Variants in PTPRM observed in about 807,000 individuals in gnomAD.
PTPRM encodes the protein receptor-type tyrosine-protein phosphatase mu.
A neutral mutation model predicts 186.7 loss-of-function variants in PTPRM; 47 were observed. The observed-to-expected ratio is 0.25, with a 90% CI of 0.20 to 0.32. PTPRM has a LOEUF of 0.32. Among genes scored for constraint, PTPRM ranks in the 10% least tolerant of loss-of-function variants. The pLI is 1.00. For synonymous variants in PTPRM, 668 were observed against 674.9 expected (o/e 0.99, Z 0.16); for missense variants, 1,494 against 1,865.0 (o/e 0.80, Z 3.66).
intron 1 of PTPRM, among the ~76,000 whole-genome samples, chr18:7,600,747 C>T (rs2037380409): frequency 6.6e-6 from 1 of 152,198 alleles, no homozygotes; most frequent in African/African-American, 2.4e-5. Flanking sequence ...ATTGTGTGCT[C>T]TTGCTGCCTG....
intron 21 of PTPRM, 141 bp downstream of exon 21, chr18:8,314,998 A>G: frequency 1.8e-6 from 1 of 540,976 alleles, no homozygotes; most frequent in Non-Finnish European, 3.2e-6. Flanking sequence ...TCTGACATGT[A>G]CCAGATTGTG....
At chr18:8,372,276 T>A (rs931300294) in intron 24 of PTPRM, among the ~76,000 whole-genome samples, 1 of 143,486 alleles carries the variant, frequency 7.0e-6, no homozygotes, top group Non-Finnish European at 1.5e-5. Flanking sequence ...GGGTTTCACC[T>A]TGTTAGCCAG....
At chr18:8,138,216 T>C (rs35539661) in intron 13 of PTPRM, among the ~76,000 whole-genome samples, 109,772 of 149,846 alleles carry the variant, frequency 0.73, 40,719 homozygotes, top group East Asian at 0.89. Flanking sequence ...TTTTTTTTTT[T>C]CCCTCCTCTT....
At chr18:7,646,392 T>C (rs940879842) in intron 1 of PTPRM, among the ~76,000 whole-genome samples, 10 of 152,190 alleles carry the variant, frequency 6.6e-5, no homozygotes, top group African/African-American at 4.8e-5. Flanking sequence ...TAGATCACCA[T>C]TGATGACAAG....
chr18:7,887,957 T>C (rs2048869597), intron 2 of PTPRM, 149 bp from the exon 3 acceptor site: 1 of 876,658 alleles, frequency 1.1e-6, no homozygotes, highest in Non-Finnish European at 1.9e-6. Context: ...GAGGTGGTGA[T>C]ATATGAAATA....
At chr18:7,951,625 C>T (rs1306296786) in intron 6 of PTPRM, among the ~76,000 whole-genome samples, 2 of 152,122 alleles carry the variant, frequency 1.3e-5, no homozygotes, top group Non-Finnish European at 2.9e-5. Context: ...GACTTATTTC[C>T]ATTTCCGCAC....
chr18:8,034,828 GTCC>G (rs768482283), intron 7 of PTPRM, among the ~76,000 whole-genome samples: 6 of 152,118 alleles, frequency 3.9e-5, no homozygotes, highest in Admixed American at 1.3e-4. Flanking sequence ...TCCTGTCTCT[GTCC>G]TCATTCTGTC....
chr18:8,003,172 A>G (rs2083971537), intron 7 of PTPRM, among the ~76,000 whole-genome samples: 1 of 152,140 alleles, frequency 6.6e-6, no homozygotes, highest in Non-Finnish European at 1.5e-5. Flanking sequence ...AGGTGGAGAT[A>G]ATTGAATCGT....
At chr18:8,151,716 C>T (rs1298805059) in intron 14 of PTPRM, among the ~76,000 whole-genome samples, 2 of 150,800 alleles carry the variant, frequency 1.3e-5, no homozygotes, top group African/African-American at 4.9e-5. Flanking sequence ...AAAAAAACTC[C>T]TGGAGCTAGT....
At chr18:8,168,375 G>A (rs1318095829) in intron 14 of PTPRM, among the ~76,000 whole-genome samples, 1 of 152,152 alleles carries the variant, frequency 6.6e-6, no homozygotes, top group Admixed American at 6.5e-5. Flanking sequence ...AACATCGTTT[G>A]TAATTGTTAC....
intron 19 of PTPRM, among the ~76,000 whole-genome samples, chr18:8,277,118 G>A (rs145351045): frequency 0.035 from 5,353 of 152,146 alleles, 106 homozygotes; most frequent in South Asian, 0.056. Context: ...TCTATTTTTA[G>A]TAGAGATGGG....
intron 14 of PTPRM, among the ~76,000 whole-genome samples, chr18:8,225,964 G>C (rs1477173122): frequency 6.6e-6 from 1 of 152,000 alleles, no homozygotes; most frequent in Non-Finnish European, 1.5e-5. Flanking sequence ...AATAGAAAAA[G>C]GGATATAATA....
At chr18:8,099,450 T>C (rs1405490281) in intron 11 of PTPRM, among the ~76,000 whole-genome samples, 3 of 152,178 alleles carry the variant, frequency 2.0e-5, no homozygotes, top group African/African-American at 7.2e-5. Context: ...TTTTTATTAT[T>C]TGTTTCTCAT....
chr18:7,572,688 A>G (rs2143358873), intron 1 of PTPRM, among the ~76,000 whole-genome samples: 1 of 152,310 alleles, frequency 6.6e-6, no homozygotes, highest in East Asian at 1.9e-4. Flanking sequence ...TATGTCCACC[A>G]TGCATTTTAC....
chr18:7,576,446 C>T (rs1170497107), intron 1 of PTPRM, among the ~76,000 whole-genome samples: 1 of 152,090 alleles, frequency 6.6e-6, no homozygotes, highest in Admixed American at 6.6e-5. Flanking sequence ...AGGAATTGGA[C>T]CACACCCTTT....
intron 1 of PTPRM, among the ~76,000 whole-genome samples, chr18:7,768,488 G>A (rs940581056): frequency 9.2e-5 from 14 of 152,136 alleles, no homozygotes; most frequent in Non-Finnish European, 1.9e-4. Flanking sequence ...ATGAGATCTT[G>A]TCTTGAAAAA....
intron 7 of PTPRM, among the ~76,000 whole-genome samples, chr18:7,997,167 A>G (rs2083588064): frequency 6.6e-6 from 1 of 152,208 alleles, no homozygotes; most frequent in Non-Finnish European, 1.5e-5. Context: ...TAAGCAAAAC[A>G]GCATGGTGCT....
intron 22 of PTPRM, among the ~76,000 whole-genome samples, chr18:8,325,224 A>G (rs1157965613): frequency 1.3e-5 from 2 of 152,190 alleles, no homozygotes; most frequent in Non-Finnish European, 1.5e-5. Context: ...GGTAAACTGC[A>G]TGTCATGAGG....
chr18:8,387,369 C>T (rs1441821298), intron 31 of PTPRM, 134 bp downstream of exon 31: 1 of 910,862 alleles, frequency 1.1e-6, no homozygotes, highest in Non-Finnish European at 1.6e-6. Context: ...GTGATCATGA[C>T]ACTCAGTGAG....
Sources: gnomAD v4.1 joint callset for allele counts (sites outside exome capture counted in the v4.1 genomes callset) on GRCh38, gnomAD v4.1.1 for gene constraint, MANE v1.5 for transcripts, NCBI Gene and HGNC (gene_info 2026-07-23, HGNC 2026-07-21) for gene names.